The following OSBPL6 variants were observed in gnomAD, a reference collection of about 807,000 sequenced individuals.
The protein encoded by OSBPL6 is oxysterol-binding protein-related protein 6.
OSBPL6 carries 49 observed loss-of-function variants against 125.8 expected under a neutral mutation model. The ratio of observed to expected loss-of-function variants is 0.39; its 90% CI spans 0.31 to 0.49. OSBPL6 has a LOEUF of 0.49. Ranked by LOEUF, OSBPL6 falls within the 20% of genes least tolerant of loss-of-function variation. OSBPL6 has a pLI of 0.88. For synonymous variants in OSBPL6, 394 were observed against 391.8 expected (o/e 1.01, Z -0.07); for missense variants, 986 against 1,135.4 (o/e 0.87, Z 1.89).
At chr2:178,263,179 T>TATAG (rs2092115868) in intron 1 of OSBPL6, among the ~76,000 whole-genome samples, 1 of 152,172 alleles carries the variant, frequency 6.6e-6, no homozygotes, top group Admixed American at 6.6e-5. Context: ...TAAAAGCACA[T>TATAG]ATAGAATAGT....
intron 3 of OSBPL6, among the ~76,000 whole-genome samples, chr2:178,320,074 A>G (rs1193912109): frequency 6.6e-6 from 1 of 152,256 alleles, no homozygotes; most frequent in Admixed American, 6.5e-5. Context: ...TTAAGTAAGT[A>G]AATGACAAGA....
At position 178,328,323 on chromosome 2, in the gene OSBPL6, A is replaced by G. The variant is rs775598642; in HGVS notation, c.263A>G (p.Lys88Arg). Residue 88 changes from lysine (K) to arginine (R), a missense_variant, in exon 5 of 25, where the codon AAA becomes AGA. Lys to Arg is a conservative substitution (Grantham distance 26). Coordinates refer to ENST00000190611, the MANE Select transcript of OSBPL6 (RefSeq NM_032523.4). ...CAAACCAATGTCCAGAAACCAGACAAACATGAGGGCTTTATGCTGAAGAAA... is the reference window on the plus strand; with the variant it reads ...CAAACCAATGTCCAGAAACCAGACAGACATGAGGGCTTTATGCTGAAGAAA... Reference protein sequence around the residue: ...IGQTNVQKPDKHEGFMLKKRK... With the variant: ...IGQTNVQKPDRHEGFMLKKRK... 1 of 1,613,964 alleles carries G rather than the reference A, an allele frequency of 6.2e-7. No individual in the cohort carries two copies. Among genetic ancestry groups the G allele is most frequent in the Non-Finnish European group, 8.5e-7 (1 of 1,179,866 alleles).
At position 178,387,080 on chromosome 2, in the gene OSBPL6, G is replaced by A. The variant is rs867829679; in HGVS notation, c.2097G>A (p.Lys699=). The A allele has an allele frequency of 6.2e-7, 1 of 1,610,684 alleles. No homozygotes were observed. The highest frequency in any genetic ancestry group is 1.7e-4 in the Middle Eastern group (1 of 6,052). Residue 699 remains lysine (K), a synonymous_variant, in exon 20 of 25, where the codon AAG becomes AAA. Transcript: ENST00000190611. ...ATTTAGATATCAGATGGAAAAACAA[G>A]TTCTGGGGGAAGTCGATGGAAATCC... ...VFWQDIRWKN[K]FWGKSMEILP...
At chr2:178,277,084 A>G (rs980777400) in intron 1 of OSBPL6, among the ~76,000 whole-genome samples, 5 of 152,200 alleles carry the variant, frequency 3.3e-5, no homozygotes, top group African/African-American at 1.2e-4. Context: ...ACTGATCTGG[A>G]CCTTTACAGA....
chr2:178,244,529 T>C (rs2091420574), intron 1 of OSBPL6, among the ~76,000 whole-genome samples: 1 of 152,226 alleles, frequency 6.6e-6, no homozygotes, highest in Admixed American at 6.5e-5. Context: ...GAATGAATCA[T>C]TGAATGTCTT....
intron 1 of OSBPL6, among the ~76,000 whole-genome samples, chr2:178,243,534 C>T (rs192549653): frequency 1.7e-3 from 259 of 152,264 alleles, no homozygotes; most frequent in Non-Finnish European, 2.9e-3. Context: ...TCCCCCCGAC[C>T]CATATGGCTT....
chr2:178,386,952 AG>A, intron 19 of OSBPL6, 108 bp from the exon 20 acceptor site: 1 of 595,282 alleles, frequency 1.7e-6, no homozygotes, highest in Non-Finnish European at 2.8e-6. Context: ...ATATAGAATC[AG>A]TTGTCATTCC....
chr2:178,360,863 T>C (rs1468273847), intron 12 of OSBPL6, among the ~76,000 whole-genome samples: 1 of 152,224 alleles, frequency 6.6e-6, no homozygotes, highest in Admixed American at 6.5e-5. Context: ...AGCCACTCTA[T>C]TTTATGCTAA....
rs1361800566 is a variant in OSBPL6, at chr2:178,401,156, G to A, written c.*5597G>A. The A allele has an allele frequency of 2.6e-5, 4 of 152,220 alleles. No homozygotes were observed. Among genetic ancestry groups the A allele is most frequent in the Non-Finnish European group, 5.9e-5 (4 of 68,042 alleles). The allele number at this position is 152,220 out of a possible 1,614,324, so 9.4% of individuals were successfully genotyped here. Reference sequence around the variant, plus strand: ...ACCCTGGGAAGTGTTTTTCTCTTCTGTGTAATGAAAGACTCACTGACAAAG... The same window carrying A: ...ACCCTGGGAAGTGTTTTTCTCTTCTATGTAATGAAAGACTCACTGACAAAG... On this transcript the variant is annotated 3_prime_UTR_variant, in exon 25 of 25. Transcript: ENST00000190611.
intron 1 of OSBPL6, among the ~76,000 whole-genome samples, chr2:178,277,098 T>C (rs2092485740): frequency 6.6e-6 from 1 of 152,218 alleles, no homozygotes; most frequent in Admixed American, 6.5e-5. Flanking sequence ...TTACAGAAAG[T>C]TTGCTAACTC....
At chr2:178,258,335 A>G (rs1371461003) in intron 1 of OSBPL6, among the ~76,000 whole-genome samples, 1 of 152,010 alleles carries the variant, frequency 6.6e-6, no homozygotes, top group Admixed American at 6.5e-5. Flanking sequence ...GCCTCAAGCG[A>G]TCGGCCCGCC....
At chr2:178,391,414 A>C (rs751331255) in intron 22 of OSBPL6, among the ~76,000 whole-genome samples, 197 bp downstream of exon 22, 4 of 152,244 alleles carry the variant, frequency 2.6e-5, no homozygotes, top group Admixed American at 6.5e-5. Flanking sequence ...TTGATATTTC[A>C]TAATAAAGAA....
At chr2:178,331,523 C>T in intron 5 of OSBPL6, 29 bp from the exon 6 acceptor site, 1 of 1,612,422 alleles carries the variant, frequency 6.2e-7, no homozygotes, top group Non-Finnish European at 8.5e-7. Flanking sequence ...AAAATACAGA[C>T]AGTAACTGGG....
chr2:178,290,646 C>T (rs765320404), intron 2 of OSBPL6, among the ~76,000 whole-genome samples: 9 of 152,152 alleles, frequency 5.9e-5, no homozygotes, highest in African/African-American at 9.7e-5. Context: ...TTTGACTCTA[C>T]TTTTTGATAC....
At chr2:178,354,884 G>A (rs1267529942) in intron 12 of OSBPL6, among the ~76,000 whole-genome samples, 3 of 152,128 alleles carry the variant, frequency 2.0e-5, no homozygotes, top group Non-Finnish European at 1.5e-5. Context: ...ACAGCAAACT[G>A]TCTCTCAGAC....
rs1356369775 is a variant in OSBPL6 at position 178,260,381 on chromosome 2, G to GTATA, written c.-350-24545_-350-24544insATAT. Among the ~76,000 whole-genome samples the GTATA allele has an allele frequency of 8.5e-5, 13 of 152,212 alleles. No homozygotes were observed. The South Asian group carries it at 1.7e-3, about 19-fold the overall frequency. On this transcript the variant is annotated intron_variant, in intron 1 of 24. Transcript: ENST00000190611. ...GCTATATGTATATGTATATGTATAT[G>GTATA]TGTATGTGTATGTGTATGTATATGT...
At chr2:178,373,343 A>G (rs1437742235) in intron 14 of OSBPL6, among the ~76,000 whole-genome samples, 1 of 152,156 alleles carries the variant, frequency 6.6e-6, no homozygotes, top group African/African-American at 2.4e-5. Context: ...TTTTTTATTG[A>G]AACTTAAATA....
At chr2:178,357,174 A>C (rs535995190) in intron 12 of OSBPL6, among the ~76,000 whole-genome samples, 1 of 152,384 alleles carries the variant, frequency 6.6e-6, no homozygotes, top group East Asian at 1.9e-4. Context: ...GGACATAGGC[A>C]TGGGCAAGGA....
chr2:178,315,930 A>G (rs963492047), intron 3 of OSBPL6, among the ~76,000 whole-genome samples: 3 of 152,216 alleles, frequency 2.0e-5, no homozygotes, highest in African/African-American at 4.8e-5. Flanking sequence ...GTCATCCCAA[A>G]GGACCATAGG....
Sources: allele counts gnomAD v4.1 joint callset (sites outside exome capture counted in the v4.1 genomes callset), GRCh38; gene constraint gnomAD v4.1.1; transcripts MANE v1.5; gene names NCBI Gene and HGNC (gene_info 2026-07-23, HGNC 2026-07-21).